Variants in PIBF1 observed in about 807,000 individuals in gnomAD.
The protein encoded by PIBF1 is progesterone immunomodulatory binding factor 1, also known as progesterone-induced-blocking factor 1.
A neutral mutation model predicts 112.5 loss-of-function variants in PIBF1; 90 were observed. The observed-to-expected ratio is 0.80, with a 90% confidence interval of 0.67 to 0.95. The LOEUF (loss-of-function observed/expected upper bound fraction) is 0.95. PIBF1 is among the 40% of genes least tolerant of loss of function. The pLI is 0.00. For synonymous variants in PIBF1, 301 were observed against 288.6 expected (o/e 1.04, Z -0.44); for missense variants, 915 against 852.3 (o/e 1.07, Z -0.92).
intron 12 of PIBF1, among the ~76,000 whole-genome samples, chr13:72,910,063 A>G (rs1001165652): frequency 3.3e-5 from 5 of 152,174 alleles, no homozygotes; most frequent in African/African-American, 1.2e-4. Flanking sequence ...GAATCTAGGT[A>G]GGGTTCTAAT....
intron 12 of PIBF1, among the ~76,000 whole-genome samples, chr13:72,915,667 AC>A (rs2041065037): frequency 6.6e-6 from 1 of 152,162 alleles, no homozygotes; most frequent in Admixed American, 6.6e-5. Context: ...ATCTGGACTT[AC>A]CTGCTAGCTG....
intron 10 of PIBF1, among the ~76,000 whole-genome samples, chr13:72,885,225 G>A (rs1429210045): frequency 6.6e-6 from 1 of 151,808 alleles, no homozygotes; most frequent in Admixed American, 6.6e-5. Flanking sequence ...CTTTTTTGTA[G>A]TTTGGACATA....
chr13:72,797,815 A>C (rs190427410), intron 4 of PIBF1, 92 bp from the exon 5 acceptor site: 6 of 902,096 alleles, frequency 6.7e-6, no homozygotes, highest in Non-Finnish European at 9.9e-6. Context: ...GTAAATATTT[A>C]TCTTTATTAC....
At chr13:72,912,884 T>C (rs1297945757) in intron 12 of PIBF1, among the ~76,000 whole-genome samples, 1 of 151,486 alleles carries the variant, frequency 6.6e-6, no homozygotes, top group Non-Finnish European at 1.5e-5. Flanking sequence ...GTATGTGGTA[T>C]GATTATACTA....
Position 72,917,163 on chromosome 13 carries a change from A to C in PIBF1, c.1727A>C (p.Gln576Pro). 1 of 1,565,748 alleles carries C rather than the reference A, an allele frequency of 6.4e-7. No individual in the cohort carries two copies. The highest frequency in any genetic ancestry group is 1.2e-5 in the South Asian group (1 of 83,656). The change falls in exon 13 of 18, where the codon CAA (glutamine) becomes CCA (proline). Residue 576 changes from glutamine to proline, a missense_variant. Transcript: ENST00000326291. ...VPTTAKRRLKQSVHLARRVLQ... is the reference protein window; with the variant it reads ...VPTTAKRRLKPSVHLARRVLQ... ...ACAACAGCCAAAAGACGACTAAAGC[A>C]AAGGTAAAATCAATATATATTTATT...
At chr13:72,844,751 A>ATGAAGT (rs2037767099) in intron 9 of PIBF1, among the ~76,000 whole-genome samples, 6 of 90,950 alleles carry the variant, frequency 6.6e-5, no homozygotes, top group South Asian at 4.3e-4. Flanking sequence ...ACACACACAC[A>ATGAAGT]CACACACACA....
At chr13:72,969,499 AT>A (rs2042834929) in intron 15 of PIBF1, 1 of 152,210 alleles carries the variant, frequency 6.6e-6, no homozygotes, top group Admixed American at 6.5e-5. Flanking sequence ...GTGAAAAGTT[AT>A]TAATACTTTC....
intron 17 of PIBF1, among the ~76,000 whole-genome samples, chr13:73,002,936 T>G (rs982698052): frequency 1.2e-4 from 15 of 121,514 alleles, no homozygotes; most frequent in Non-Finnish European, 2.2e-4. Context: ...TGAGCCAAGA[T>G]CATGCCTCCA....
In PIBF1 at chr13:72,848,831, C is replaced by CA. The variant is rs1250173775; in HGVS notation, c.1224-5211dup. On this transcript the variant is annotated intron_variant, in intron 9 of 17. Coordinates refer to ENST00000326291, the MANE Select transcript of PIBF1 (RefSeq NM_006346.4). The stretch of plus-strand genomic sequence containing the variant: ...TGGGTGACAGAGTGAGACTCCGTCT[C>CA]AAAAAAAAAAAAAAAGAACTTAACT... Among the ~76,000 whole-genome samples the CA allele has an allele frequency of 7.0e-3, 652 of 93,714 alleles. 6 individuals are homozygous for CA. The highest frequency in any genetic ancestry group is 0.014 in the African/African-American group (321 of 23,560). The allele number at this position is 93,714 out of a possible 152,430, so 61.5% of individuals were successfully genotyped here. A position where few individuals can be genotyped will look rare whatever the true frequency, so the allele number is the denominator to read the frequency against.
rs139704903 is a variant in PIBF1 at position 72,906,656 on chromosome 13, T to A, written c.1489-1875T>A. ...CACATCAGTAGTTTTTCAGGACCTC[T>A]CTTTCACATTATGAAGATATTTTTT... is the stretch of plus-strand genomic sequence containing the variant. On this transcript the variant is annotated intron_variant, in intron 11 of 17. Coordinates refer to ENST00000326291, the MANE Select transcript of PIBF1 (RefSeq NM_006346.4). 4.3e-3 allele frequency among the ~76,000 whole-genome samples: 652 copies of A among 152,296 alleles called. 3 individuals carry two copies. The highest frequency in any genetic ancestry group is 6.9e-3 in the Non-Finnish European group (469 of 68,006).
chr13:72,919,165 C>T (rs962069412), intron 13 of PIBF1, among the ~76,000 whole-genome samples: 16 of 151,288 alleles, frequency 1.1e-4, no homozygotes, highest in African/African-American at 3.9e-4. Flanking sequence ...AAGAAAATGA[C>T]TCAGAAAATA....
intron 5 of PIBF1, among the ~76,000 whole-genome samples, chr13:72,815,304 G>A (rs2036212781): frequency 1.3e-5 from 2 of 152,200 alleles, no homozygotes; most frequent in Non-Finnish European, 2.9e-5. Flanking sequence ...ATGGAGAATA[G>A]CTTCATGAAC....
chr13:73,014,570 G>T (rs1054058155), intron 17 of PIBF1, among the ~76,000 whole-genome samples: 2 of 152,150 alleles, frequency 1.3e-5, no homozygotes, highest in Non-Finnish European at 1.5e-5. Flanking sequence ...TGGACCTAGG[G>T]TGATAATATG....
intron 14 of PIBF1, among the ~76,000 whole-genome samples, chr13:72,946,697 G>A (rs1207476125): frequency 6.6e-6 from 1 of 152,142 alleles, no homozygotes; most frequent in Non-Finnish European, 1.5e-5. Context: ...AAAATGGAGG[G>A]GCTACAGGCC....
At chr13:72,883,993 T>A (rs772093657) in intron 10 of PIBF1, among the ~76,000 whole-genome samples, 2 of 152,230 alleles carry the variant, frequency 1.3e-5, no homozygotes, top group Non-Finnish European at 2.9e-5. Flanking sequence ...TTGGATTGTT[T>A]GTAACACAAA....
chr13:72,878,784 TG>T (rs1177933838), intron 10 of PIBF1, among the ~76,000 whole-genome samples: 21 of 152,194 alleles, frequency 1.4e-4, no homozygotes, highest in Admixed American at 1.4e-3. Flanking sequence ...TCGTGTATTT[TG>T]ACATCTGTTC....
chr13:72,999,898 A>C (rs950859293), intron 17 of PIBF1, among the ~76,000 whole-genome samples: 1 of 152,136 alleles, frequency 6.6e-6, no homozygotes, highest in African/African-American at 2.4e-5. Flanking sequence ...GTGAAACCCT[A>C]TCCCTACTAA....
intron 12 of PIBF1, among the ~76,000 whole-genome samples, chr13:72,912,456 G>A (rs929447742): frequency 5.9e-5 from 9 of 152,148 alleles, no homozygotes; most frequent in African/African-American, 2.2e-4. Context: ...GGGAAAAGCA[G>A]ATTAAAAGCC....
chr13:73,010,810 CTTTTTTTTTTTTTTTTTTT>C, intron 17 of PIBF1, among the ~76,000 whole-genome samples: 1 of 40,306 alleles, frequency 2.5e-5, no homozygotes, highest in Non-Finnish European at 4.4e-5. Flanking sequence ...ATTAACTTTT[CTTTTTTTTTTTTTTTTTTT>C]TTTTTTTTTT....
Sources: allele counts gnomAD v4.1 joint callset (sites outside exome capture counted in the v4.1 genomes callset), GRCh38; gene constraint gnomAD v4.1.1; transcripts MANE v1.5; gene names NCBI Gene and HGNC (gene_info 2026-07-23, HGNC 2026-07-21).